The following PTPRN2 variants were observed in gnomAD, a reference collection of about 807,000 sequenced individuals.
The protein encoded by PTPRN2 is receptor-type tyrosine-protein phosphatase N2.
In PTPRN2, 74 loss-of-function variants were observed where a neutral mutation model predicts 118.8. The observed-to-expected ratio is 0.62, with a 90% confidence interval of 0.52 to 0.76. The LOEUF (loss-of-function observed/expected upper bound fraction) is 0.76. Among genes scored for constraint, PTPRN2 ranks in the 30% least tolerant of loss-of-function variants. The pLI is 0.00. For synonymous variants in PTPRN2, 641 were observed against 608.0 expected (o/e 1.05, Z -0.80); for missense variants, 1,481 against 1,394.4 (o/e 1.06, Z -0.99).
chr7:157,629,092 G>A lies in PTPRN2; in HGVS notation c.2197-7583C>T, dbSNP rs1217874166. The stretch of plus-strand genomic sequence containing the variant: ...GCTCGCCTTCCTGTTGGCACCAGGA[G>A]GAAGTGCAGCTGCCACCTCTGAGTA... On this transcript the variant is annotated intron_variant, in intron 14 of 22. Transcript: ENST00000389418. This position sits in a 1 kb window ranked among gnomAD's most constrained non-coding sequence, Gnocchi z 4.4. 1.3e-5 allele frequency among the ~76,000 whole-genome samples: 2 copies of A among 152,166 alleles called. No homozygotes were observed. The highest frequency in any genetic ancestry group is 4.8e-5 in the African/African-American group (2 of 41,440).
chr7:157,855,168 A>C (rs6966116), intron 12 of PTPRN2, among the ~76,000 whole-genome samples: 75,398 of 110,878 alleles, frequency 0.68, 25,601 homozygotes, highest in East Asian at 0.9. Context: ...ATCGGGGAGG[A>C]TGGCTGCACC....
intron 3 of PTPRN2, among the ~76,000 whole-genome samples, chr7:158,249,264 T>C (rs1400474659): frequency 6.7e-6 from 1 of 148,328 alleles, no homozygotes; most frequent in Non-Finnish European, 1.5e-5. Context: ...TGCACACGCA[T>C]CACACACATG....
At chr7:157,906,885 G>A (rs1797801469) in intron 11 of PTPRN2, among the ~76,000 whole-genome samples, 1 of 152,148 alleles carries the variant, frequency 6.6e-6, no homozygotes, top group Non-Finnish European at 1.5e-5. Flanking sequence ...AGAAGGCCCT[G>A]CTCTAAGCTT....
At chr7:157,957,451 A>G (rs1801256145) in intron 11 of PTPRN2, among the ~76,000 whole-genome samples, 3 of 152,174 alleles carry the variant, frequency 2.0e-5, no homozygotes, top group Admixed American at 2.0e-4. Context: ...TGGCCAAATA[A>G]TCCCTAAGAA....
chr7:158,006,279 T>C (rs1381427931), intron 11 of PTPRN2, among the ~76,000 whole-genome samples: 1 of 152,224 alleles, frequency 6.6e-6, no homozygotes, highest in East Asian at 1.9e-4. Context: ...GCAGCATGAA[T>C]GGAAATGCAA....
Position 157,811,882 on chromosome 7 carries a change from A to C in PTPRN2, c.1788+86791T>G, listed in dbSNP as rs375074865. Among the ~76,000 whole-genome samples the C allele has an allele frequency of 2.0e-3, 297 of 152,144 alleles. 2 individuals carry two copies. The South Asian group carries it at 0.039, about 20-fold the overall frequency. ...TTTTATACATTTTGGGGTCCCTGGA[A>C]CTCAGGACAAGGCCATCTGTATCCC... On this transcript the variant is annotated intron_variant, in intron 12 of 22. Coordinates refer to ENST00000389418, the MANE Select transcript of PTPRN2 (RefSeq NM_002847.5).
chr7:158,060,167 A>G (rs1487382308), intron 11 of PTPRN2, among the ~76,000 whole-genome samples: 1 of 83,092 alleles, frequency 1.2e-5, no homozygotes, highest in African/African-American at 5.8e-5. Flanking sequence ...CCATCTGCAC[A>G]TGGTGACACA....
chr7:157,852,608 C>T (rs1809355057), intron 12 of PTPRN2, among the ~76,000 whole-genome samples: 2 of 152,278 alleles, frequency 1.3e-5, no homozygotes, highest in South Asian at 2.1e-4. Context: ...CGGTGGCTCA[C>T]GCCTGTAATC....
In PTPRN2 at chr7:158,547,086, G is replaced by A. The variant is rs192089830; in HGVS notation, c.112+40472C>T. Among the ~76,000 whole-genome samples, 329 of 152,300 alleles carry A rather than the reference G, an allele frequency of 2.2e-3. 1 individual carries two copies. The highest frequency in any genetic ancestry group is 3.1e-3 in the Non-Finnish European group (211 of 68,012). The stretch of plus-strand genomic sequence containing the variant: ...CCACACCACCGATGTCAGGGGTTCT[G>A]TGCAGGCAAAGTGGCCTTCTCTTTG... On this transcript the variant is annotated intron_variant, in intron 1 of 22. Transcript: ENST00000389418.
chr7:157,812,877 C>G (rs1046387081), intron 12 of PTPRN2, among the ~76,000 whole-genome samples: 3 of 152,080 alleles, frequency 2.0e-5, no homozygotes, highest in Non-Finnish European at 2.9e-5. Context: ...TTGTGCAAAC[C>G]GGGGTTAGGA....
At chr7:158,313,377 A>G (rs73746479) in intron 3 of PTPRN2, among the ~76,000 whole-genome samples, 103 of 152,314 alleles carry the variant, frequency 6.8e-4, no homozygotes, top group African/African-American at 2.5e-3. Context: ...TGTCCCCACA[A>G]TGCAGAAGAT....
chr7:157,648,396 G>T (rs367619623), intron 14 of PTPRN2, among the ~76,000 whole-genome samples: 14,267 of 58,626 alleles, frequency 0.24, 1,375 homozygotes, highest in Middle Eastern at 0.34. Flanking sequence ...TCGGTGGGTC[G>T]GACCCATTCA....
rs144224546 is a variant in PTPRN2, at chr7:158,554,849, C to T, written c.112+32709G>A. 1.4e-3 allele frequency among the ~76,000 whole-genome samples: 208 copies of T among 152,262 alleles called. 3 individuals are homozygous for T. In the East Asian group the frequency reaches 0.026, roughly 19 times the overall value. ...AATGCCGCACATAGCCATCTCTGCCCCAAACAGCAGCCCCCTCTATATGAT... is the reference window on the plus strand; with the variant it reads ...AATGCCGCACATAGCCATCTCTGCCTCAAACAGCAGCCCCCTCTATATGAT... On this transcript the variant is annotated intron_variant, in intron 1 of 22. Transcript: ENST00000389418.
chr7:158,137,690 C>T (rs1355109082), intron 7 of PTPRN2, among the ~76,000 whole-genome samples: 3 of 152,158 alleles, frequency 2.0e-5, no homozygotes, highest in Non-Finnish European at 2.9e-5. Context: ...CCTCTGCACC[C>T]GTGCAGAGAG....
At chr7:157,842,178 G>A (rs1808468982) in intron 12 of PTPRN2, among the ~76,000 whole-genome samples, 1 of 152,082 alleles carries the variant, frequency 6.6e-6, no homozygotes, top group Non-Finnish European at 1.5e-5. Flanking sequence ...GCCCCTTTGT[G>A]CGTGGGGCTG....
intron 3 of PTPRN2, among the ~76,000 whole-genome samples, chr7:158,265,102 A>G (rs1797784067): frequency 6.6e-6 from 1 of 151,958 alleles, no homozygotes; most frequent in East Asian, 1.9e-4. Context: ...CCAGCCCCCA[A>G]GGTAGTGCAT....
chr7:158,047,256 C>A (rs1361884453), intron 11 of PTPRN2, among the ~76,000 whole-genome samples: 1 of 152,266 alleles, frequency 6.6e-6, no homozygotes, highest in Non-Finnish European at 1.5e-5. Context: ...AAAAGCCAGG[C>A]TGGAGCCCAT....
intron 13 of PTPRN2, among the ~76,000 whole-genome samples, chr7:157,672,732 C>T (rs1585215061): frequency 6.6e-6 from 1 of 152,374 alleles, no homozygotes; most frequent in Non-Finnish European, 1.5e-5. Flanking sequence ...CACTTGTAAA[C>T]TCTTTTAATT....
intron 12 of PTPRN2, among the ~76,000 whole-genome samples, chr7:157,693,518 G>T (rs984654295): frequency 6.6e-6 from 1 of 152,118 alleles, no homozygotes; most frequent in Non-Finnish European, 1.5e-5. Context: ...CGCTGCGGTC[G>T]CAGGGCCTTG....
Sources: gnomAD v4.1 joint callset for allele counts (sites outside exome capture counted in the v4.1 genomes callset) on GRCh38, gnomAD v4.1.1 for gene constraint, Gnocchi (gnomAD v3.1) non-coding constraint, MANE v1.5 for transcripts, NCBI Gene and HGNC (gene_info 2026-07-23, HGNC 2026-07-21) for gene names.